Variants in CORO1C observed in about 807,000 individuals in gnomAD.
CORO1C encodes coronin-1C.
A neutral mutation model predicts 51.2 loss-of-function variants in CORO1C; 14 were observed. That is an observed-to-expected ratio of 0.27 (90% CI 0.18 to 0.43). The LOEUF is 0.43. Among genes scored for constraint, CORO1C ranks in the 20% least tolerant of loss-of-function variants. The probability of loss-of-function intolerance (pLI) is 1.00; values close to 1 mark genes in which losing one functional copy is unlikely to be tolerated. For synonymous variants in CORO1C, 181 were observed against 210.5 expected (o/e 0.86, Z 1.21); for missense variants, 417 against 607.8 (o/e 0.69, Z 3.30).
rs550110995 is a variant in CORO1C at position 108,678,015 on chromosome 12, T to C, written c.318+257A>G. Among the ~76,000 whole-genome samples the C allele has an allele frequency of 1.7e-3, 240 of 144,676 alleles. 1 individual carries two copies. Among genetic ancestry groups the C allele is most frequent in the Non-Finnish European group, 3.1e-3 (207 of 67,008 alleles). The allele number at this position is 144,676 out of a possible 152,430, so 94.9% of individuals were successfully genotyped here. The stretch of plus-strand genomic sequence containing the variant: ...GCCTGGGTGACAGAGCAAGACTCCA[T>C]CTCAAAAAAAAAAAAGAAAAAGAAA... On this transcript the variant is annotated intron_variant, in intron 3 of 10. Transcript: ENST00000261401.
chr12:108,708,387 C>T (rs1368614043), intron 1 of CORO1C, among the ~76,000 whole-genome samples: 1 of 151,082 alleles, frequency 6.6e-6, no homozygotes, highest in African/African-American at 2.4e-5. Flanking sequence ...TCACAAAAAT[C>T]GACATACTAA....
chr12:108,647,881 A>T (rs1351839111), intron 10 of CORO1C, among the ~76,000 whole-genome samples: 1 of 152,190 alleles, frequency 6.6e-6, no homozygotes, highest in Non-Finnish European at 1.5e-5. Flanking sequence ...CAATCATTCC[A>T]TCAAGAGTAA....
intron 2 of CORO1C, among the ~76,000 whole-genome samples, chr12:108,683,229 C>T (rs1038410352): frequency 1.3e-5 from 2 of 151,952 alleles, no homozygotes; most frequent in East Asian, 1.9e-4. Context: ...ACCAGCCTGG[C>T]CAACATAGTG....
Position 108,662,162 on chromosome 12 carries a change from T to C in CORO1C, c.319-4A>G. ...CATTTTCTGGGATCTGCCATACCTG[T>C]TGGACAAGGAAGAAAGATGATCCAC... On this transcript the variant is annotated splice_region_variant and splice_polypyrimidine_tract_variant and intron_variant, in intron 3 of 10. Coordinates refer to ENST00000261401, the MANE Select transcript of CORO1C (RefSeq NM_014325.4). 6.2e-7 allele frequency: 1 copy of C among 1,613,236 alleles called. No individual in the cohort carries two copies. Among genetic ancestry groups the C allele is most frequent in the Non-Finnish European group, 8.5e-7 (1 of 1,179,314 alleles).
chr12:108,690,949 C>A (rs973533768), intron 2 of CORO1C, among the ~76,000 whole-genome samples: 2 of 152,224 alleles, frequency 1.3e-5, no homozygotes, highest in African/African-American at 4.8e-5. Context: ...GATTGATCTA[C>A]TGAAACCCTC....
At chr12:108,703,038 T>TCTCA in intron 1 of CORO1C, 1 of 1,228,062 alleles carries the variant, frequency 8.1e-7, no homozygotes, top group Non-Finnish European at 1.1e-6. Context: ...AAGCGTGAGT[T>TCTCA]AGATAAGACA....
chr12:108,683,225 C>T (rs1184954740), intron 2 of CORO1C, among the ~76,000 whole-genome samples: 1 of 152,080 alleles, frequency 6.6e-6, no homozygotes. Flanking sequence ...CGGGACCAGC[C>T]TGGCCAACAT....
intron 1 of CORO1C, among the ~76,000 whole-genome samples, chr12:108,716,455 C>T (rs2035339192): frequency 1.3e-5 from 2 of 152,182 alleles, no homozygotes; most frequent in African/African-American, 4.8e-5. Flanking sequence ...TAATCACCTT[C>T]ACCTGAAGAA....
At chr12:108,652,183 T>C (rs2032703511) in intron 8 of CORO1C, 89 bp downstream of exon 8, 1 of 1,232,852 alleles carries the variant, frequency 8.1e-7, no homozygotes, top group Non-Finnish European at 1.1e-6. Flanking sequence ...TCAGATATTT[T>C]TGAGATCTGA....
intron 3 of CORO1C, among the ~76,000 whole-genome samples, chr12:108,671,037 A>G (rs1221371596): frequency 6.6e-6 from 1 of 151,896 alleles, no homozygotes; most frequent in African/African-American, 2.4e-5. Flanking sequence ...AAAGAATAAA[A>G]AAAAAAGGTT....
chr12:108,648,932 A>G lies in CORO1C; in HGVS notation c.1059+31T>C, dbSNP rs563699698. The G allele has an allele frequency of 1.9e-5, 31 of 1,611,916 alleles. No homozygotes were observed. The African/African-American group carries it at 3.2e-4, about 17-fold the overall frequency. On this transcript the variant is annotated intron_variant, in intron 9 of 10. Transcript: ENST00000261401. ...AATTTTATTTTTACATTTGTTTAAA[A>G]TATGGATTGTCTAGAAAACTCAGCA...
chr12:108,689,840 C>G (rs535462555), intron 2 of CORO1C, among the ~76,000 whole-genome samples: 1 of 152,284 alleles, frequency 6.6e-6, no homozygotes, highest in Non-Finnish European at 1.5e-5. Context: ...TTGGGTGATA[C>G]ATACTGAGAA....
rs34122937 is a variant in CORO1C at position 108,647,041 on chromosome 12, TA to T, written c.*361del. ...CAATGTGGCATTGGTCCCTATTCAT[TA>T]AAAAAAAAAGGGTACTTGGGCACGA... is the stretch of plus-strand genomic sequence containing the variant. On this transcript the variant is annotated 3_prime_UTR_variant, in exon 11 of 11. Coordinates refer to ENST00000261401, the MANE Select transcript of CORO1C (RefSeq NM_014325.4). 91,284 of 161,980 alleles carry T rather than the reference TA, an allele frequency of 0.56. 26,294 individuals carry two copies. The highest frequency in any genetic ancestry group is 0.99 in the East Asian group (5,525 of 5,604). The allele number at this position is 161,980 out of a possible 1,614,324, so 10.0% of individuals were successfully genotyped here.
chr12:108,660,179 C>T (rs1482505110), intron 4 of CORO1C, among the ~76,000 whole-genome samples: 2 of 152,168 alleles, frequency 1.3e-5, no homozygotes, highest in Non-Finnish European at 2.9e-5. Flanking sequence ...TGGCCGGGCA[C>T]GGTGGCTCAC....
intron 2 of CORO1C, among the ~76,000 whole-genome samples, chr12:108,696,766 G>A (rs2034700835): frequency 6.6e-6 from 1 of 152,236 alleles, no homozygotes; most frequent in South Asian, 2.1e-4. Flanking sequence ...TGGCAGAGTG[G>A]CAAGCCACAG....
At chr12:108,665,934 T>C (rs962280645) in intron 3 of CORO1C, among the ~76,000 whole-genome samples, 3 of 152,214 alleles carry the variant, frequency 2.0e-5, no homozygotes, top group African/African-American at 7.2e-5. Context: ...AACATGAAAC[T>C]GACACATTTA....
At chr12:108,703,791 C>T (rs1430631911) in intron 1 of CORO1C, among the ~76,000 whole-genome samples, 1 of 150,148 alleles carries the variant, frequency 6.7e-6, no homozygotes, top group African/African-American at 2.5e-5. Context: ...GGATGACACC[C>T]AGCACAGGTG....
rs545857819 is a variant in CORO1C, at chr12:108,700,650, C to CA, written c.195+473dup. Among the ~76,000 whole-genome samples the CA allele has an allele frequency of 1.5e-3, 196 of 127,264 alleles. 1 individual carries two copies. The South Asian group carries it at 0.03, about 19-fold the overall frequency. 83.5% of individuals were successfully genotyped at this position (127,264 alleles called of 152,430 possible). On this transcript the variant is annotated intron_variant, in intron 2 of 10. Transcript: ENST00000261401. The stretch of plus-strand genomic sequence containing the variant: ...TTGAGTTCTTGTTCCATTTCCAACT[C>CA]AAAAAAAAAAAGGAAATTAAGAAAA...
chr12:108,689,335 A>C (rs913764174), intron 2 of CORO1C, among the ~76,000 whole-genome samples: 1 of 152,376 alleles, frequency 6.6e-6, no homozygotes, highest in Middle Eastern at 3.4e-3. Flanking sequence ...ATGTTTTCAC[A>C]AAGTAATAAA....
Sources: allele counts gnomAD v4.1 joint callset (sites outside exome capture counted in the v4.1 genomes callset), GRCh38; gene constraint gnomAD v4.1.1; transcripts MANE v1.5; gene names NCBI Gene and HGNC (gene_info 2026-07-23, HGNC 2026-07-21).